HCN1: variants seen among roughly 807,000 people sequenced by gnomAD.
HCN1 encodes potassium/sodium hyperpolarization-activated cyclic nucleotide-gated channel 1.
HCN1 carries 13 observed loss-of-function variants against 78.9 expected under a neutral mutation model. That is an observed-to-expected ratio of 0.16 (90% CI 0.11 to 0.26). HCN1 has a LOEUF of 0.26. Ranked by LOEUF, HCN1 falls within the 10% of genes least tolerant of loss-of-function variation. HCN1 has a pLI of 1.00. For missense variants in HCN1, 810 were observed against 1,154.3 expected (o/e 0.70, Z 4.32); for synonymous variants, 552 against 455.5 (o/e 1.21, Z -2.70).
At chr5:45,301,528 G>C (rs1191765789) in intron 6 of HCN1, among the ~76,000 whole-genome samples, 3 of 151,524 alleles carry the variant, frequency 2.0e-5, no homozygotes, top group African/African-American at 7.3e-5. Context: ...AGACCAGCCT[G>C]GGCAAATGGT....
intron 6 of HCN1, among the ~76,000 whole-genome samples, chr5:45,280,107 A>T (rs1745129781): frequency 6.6e-6 from 1 of 152,302 alleles, no homozygotes; most frequent in South Asian, 2.1e-4. Flanking sequence ...CAATTTTTAC[A>T]GCATCAACTA....
At chr5:45,445,052 G>A (rs906003027) in intron 3 of HCN1, among the ~76,000 whole-genome samples, 17 of 152,208 alleles carry the variant, frequency 1.1e-4, no homozygotes, top group African/African-American at 4.1e-4. Flanking sequence ...TGGGTGCAGC[G>A]CACCGTGCGT....
chr5:45,286,162 G>A (rs1745266761), intron 6 of HCN1, among the ~76,000 whole-genome samples: 1 of 151,792 alleles, frequency 6.6e-6, no homozygotes. Context: ...TCTCTCAGTG[G>A]CAAATCGATA....
At chr5:45,378,732 C>T (rs565588654) in intron 4 of HCN1, among the ~76,000 whole-genome samples, 68 of 152,242 alleles carry the variant, frequency 4.5e-4, no homozygotes, top group African/African-American at 1.5e-3. Context: ...ATTAACTCGT[C>T]ATTTACATTA....
intron 5 of HCN1, among the ~76,000 whole-genome samples, chr5:45,321,317 T>C (rs1032472337): frequency 2.0e-5 from 3 of 151,834 alleles, no homozygotes; most frequent in African/African-American, 7.2e-5. Context: ...AAAAACAACG[T>C]AACAATAAAC....
At chr5:45,469,504 C>T (rs908666286) in intron 2 of HCN1, among the ~76,000 whole-genome samples, 7 of 151,868 alleles carry the variant, frequency 4.6e-5, no homozygotes, top group African/African-American at 7.3e-5. Flanking sequence ...TTAAATGAGG[C>T]GAAAACCACA....
intron 3 of HCN1, among the ~76,000 whole-genome samples, chr5:45,432,001 T>C (rs1208976304): frequency 6.6e-6 from 1 of 152,242 alleles, no homozygotes; most frequent in Non-Finnish European, 1.5e-5. Flanking sequence ...ACAAATAGCA[T>C]TGAATCTGCA....
chr5:45,586,329 C>T (rs995560208), intron 2 of HCN1, among the ~76,000 whole-genome samples: 4 of 152,136 alleles, frequency 2.6e-5, no homozygotes, highest in South Asian at 4.1e-4. Context: ...GAGCCAAGCA[C>T]GGGATAAAAT....
intron 1 of HCN1, among the ~76,000 whole-genome samples, chr5:45,657,170 G>A (rs1246368733): frequency 6.6e-6 from 1 of 152,070 alleles, no homozygotes; most frequent in African/African-American, 2.4e-5. Context: ...TTAATTTTCT[G>A]AGCAATTCAC....
At chr5:45,343,780 A>T (rs1746637856) in intron 5 of HCN1, among the ~76,000 whole-genome samples, 1 of 152,136 alleles carries the variant, frequency 6.6e-6, no homozygotes, top group South Asian at 2.1e-4. Flanking sequence ...TAAATAAAAG[A>T]TAATAAATTC....
chr5:45,539,919 GATATATATATATATATATATATAT>G (rs66934051), intron 2 of HCN1, among the ~76,000 whole-genome samples: 9 of 126,104 alleles, frequency 7.1e-5, no homozygotes, highest in African/African-American at 2.3e-4. Context: ...TAAATTGTGA[GATATATATATATATATATATATAT>G]ATATATATAT....
chr5:45,384,767 A>G (rs1019633359), intron 4 of HCN1, among the ~76,000 whole-genome samples: 11 of 152,156 alleles, frequency 7.2e-5, no homozygotes, highest in African/African-American at 2.7e-4. Flanking sequence ...TAAGTTCATC[A>G]TTTATCTATG....
intron 5 of HCN1, among the ~76,000 whole-genome samples, chr5:45,341,901 G>T (rs1424279001): frequency 6.6e-6 from 1 of 152,180 alleles, no homozygotes; most frequent in African/African-American, 2.4e-5. Flanking sequence ...GGGCAATTTT[G>T]TGAGAGTTTT....
chr5:45,621,293 T>C (rs1022674260), intron 2 of HCN1, among the ~76,000 whole-genome samples: 1 of 151,660 alleles, frequency 6.6e-6, no homozygotes, highest in Non-Finnish European at 1.5e-5. Context: ...AAATTCTTGT[T>C]AGGTAATTCT....
intron 2 of HCN1, among the ~76,000 whole-genome samples, chr5:45,621,693 T>C (rs1745065347): frequency 6.6e-6 from 1 of 152,130 alleles, no homozygotes; most frequent in Non-Finnish European, 1.5e-5. Flanking sequence ...AATAAAGCAT[T>C]CTGGAAACAT....
chr5:45,580,724 T>A (rs1744048634), intron 2 of HCN1, among the ~76,000 whole-genome samples: 1 of 152,076 alleles, frequency 6.6e-6, no homozygotes, highest in Non-Finnish European at 1.5e-5. Context: ...GTGTGTTATG[T>A]TCCTCTTCCT....
chr5:45,403,984 T>C (rs1488154956), intron 3 of HCN1, among the ~76,000 whole-genome samples: 1 of 152,166 alleles, frequency 6.6e-6, no homozygotes, highest in Non-Finnish European at 1.5e-5. Flanking sequence ...CACAGTATTA[T>C]TACATTACAC....
rs59883923 is a variant in HCN1 at position 45,328,821 on chromosome 5, T to C, written c.1377+24279A>G. On this transcript the variant is annotated intron_variant, in intron 5 of 7. Coordinates refer to ENST00000303230, the MANE Select transcript of HCN1 (RefSeq NM_021072.4). The stretch of plus-strand genomic sequence containing the variant: ...CTACCACTGCTCTGAAAGTGAACTG[T>C]GGCAGAAGCACTATACACAATTTAG... Among the ~76,000 whole-genome samples the C allele has an allele frequency of 1.4e-3, 209 of 151,802 alleles. 2 individuals carry two copies. The highest frequency in any genetic ancestry group is 5.0e-3 in the African/African-American group (208 of 41,500).
At position 45,644,958 on chromosome 5, in the gene HCN1, A is replaced by T. The variant is rs546552922; in HGVS notation, c.849+227T>A. 113 of 540,122 alleles carry T rather than the reference A, an allele frequency of 2.1e-4. No individual in the cohort carries two copies. In the African/African-American group the frequency reaches 2.1e-3, roughly 10 times the overall value. 33.5% of individuals were successfully genotyped at this position (540,122 alleles called of 1,614,324 possible). ...GTGCATTTATTTAAAAATAAAATAA[A>T]TTGGCATAAAACGATCACTATTTTT... On this transcript the variant is annotated intron_variant, in intron 2 of 7. Transcript: ENST00000303230.
Sources: gnomAD v4.1 joint callset for allele counts (sites outside exome capture counted in the v4.1 genomes callset) on GRCh38, gnomAD v4.1.1 for gene constraint, MANE v1.5 for transcripts, NCBI Gene and HGNC (gene_info 2026-07-23, HGNC 2026-07-21) for gene names.